Variants in RBMS3 observed in about 807,000 individuals in gnomAD.
RBMS3 encodes the protein RNA binding motif single stranded interacting protein 3, also known as RNA-binding motif, single-stranded-interacting protein 3.
A neutral mutation model predicts 66.8 loss-of-function variants in RBMS3; 27 were observed. The observed-to-expected ratio is 0.40, with a 90% CI of 0.30 to 0.56. RBMS3 has a LOEUF of 0.56. Among genes scored for constraint, RBMS3 ranks in the 20% least tolerant of loss-of-function variants. RBMS3 has a pLI of 0.40. For missense variants in RBMS3, 513 were observed against 549.5 expected (o/e 0.93, Z 0.66); for synonymous variants, 188 against 183.0 (o/e 1.03, Z -0.22).
At chr3:29,372,983 A>G (rs1445299324) in intron 1 of RBMS3, among the ~76,000 whole-genome samples, 1 of 152,134 alleles carries the variant, frequency 6.6e-6, no homozygotes, top group Non-Finnish European at 1.5e-5. Context: ...ATGCTTATAT[A>G]TTATTAAACC....
intron 4 of RBMS3, among the ~76,000 whole-genome samples, chr3:29,712,623 C>G (rs2053223762): frequency 6.6e-6 from 1 of 152,052 alleles, no homozygotes; most frequent in Non-Finnish European, 1.5e-5. Flanking sequence ...GAGATAACAT[C>G]TAAATCAGTA....
intron 2 of RBMS3, among the ~76,000 whole-genome samples, chr3:29,475,104 AAAGGTTTATT>A (rs1298245901): frequency 6.6e-6 from 1 of 152,192 alleles, no homozygotes; most frequent in Non-Finnish European, 1.5e-5. Context: ...TATGGTAATG[AAAGGTTTATT>A]AAGGTTTATT....
intron 2 of RBMS3, among the ~76,000 whole-genome samples, chr3:29,467,055 A>T (rs1389898910): frequency 2.6e-5 from 4 of 152,334 alleles, no homozygotes; most frequent in South Asian, 4.1e-4. Flanking sequence ...CCAAGTGAAA[A>T]TGTATAATTT....
At chr3:29,349,673 G>T (rs1017558823) in intron 1 of RBMS3, among the ~76,000 whole-genome samples, 3 of 152,132 alleles carry the variant, frequency 2.0e-5, no homozygotes, top group African/African-American at 7.2e-5. Flanking sequence ...ACCCTACTCT[G>T]ACATTTTGCA....
chr3:29,503,746 A>AT (rs2044067957), intron 3 of RBMS3, among the ~76,000 whole-genome samples: 1 of 152,072 alleles, frequency 6.6e-6, no homozygotes, highest in African/African-American at 2.4e-5. Flanking sequence ...CCACAGATGT[A>AT]TTTTTTCCTG....
intron 2 of RBMS3, among the ~76,000 whole-genome samples, chr3:29,488,021 A>T (rs925427260): frequency 1.3e-5 from 2 of 152,210 alleles, no homozygotes; most frequent in African/African-American, 2.4e-5. Flanking sequence ...ATTTTTGCAG[A>T]TGAAGAAACT....
intron 1 of RBMS3, among the ~76,000 whole-genome samples, chr3:29,408,472 G>C (rs1426899597): frequency 2.6e-5 from 4 of 151,532 alleles, no homozygotes; most frequent in Non-Finnish European, 4.4e-5. Context: ...GATGGTTTAG[G>C]AAAAAAAATC....
chr3:29,937,630 C>G (rs548649333), intron 11 of RBMS3, among the ~76,000 whole-genome samples: 1 of 152,030 alleles, frequency 6.6e-6, no homozygotes, highest in East Asian at 1.9e-4. Context: ...TCGATGGTAA[C>G]TTACCTGTCT....
At chr3:29,861,916 A>G (rs1467693029) in intron 6 of RBMS3, among the ~76,000 whole-genome samples, 1 of 152,210 alleles carries the variant, frequency 6.6e-6, no homozygotes, top group African/African-American at 2.4e-5. Flanking sequence ...GTCTTCTAGC[A>G]CATTAAAGTC....
Position 30,004,051 on chromosome 3 carries a change from T to C in RBMS3, c.*189T>C, listed in dbSNP as rs1381034030. 2.5e-6 allele frequency: 1 copy of C among 394,474 alleles called. No homozygotes were observed. Among genetic ancestry groups the C allele is most frequent in the African/African-American group, 2.1e-5 (1 of 48,002 alleles). The allele number at this position is 394,474 out of a possible 1,614,324, so 24.4% of individuals were successfully genotyped here. Reference sequence around the variant, plus strand: ...TTATGTGCTGTGCAAATGGTCTTCATGTGGTCTGACAATTTATTTTTGCCA... The same window carrying C: ...TTATGTGCTGTGCAAATGGTCTTCACGTGGTCTGACAATTTATTTTTGCCA... On this transcript the variant is annotated 3_prime_UTR_variant, in exon 15 of 15. Coordinates refer to ENST00000383767, the MANE Select transcript of RBMS3 (RefSeq NM_001003793.3).
Position 29,717,304 on chromosome 3 carries a change from ATGT to A in RBMS3, c.400-22409_400-22407del, listed in dbSNP as rs1365706005. Among the ~76,000 whole-genome samples, 5 of 151,908 alleles carry A rather than the reference ATGT, an allele frequency of 3.3e-5. No individual in the cohort carries two copies. The East Asian group carries it at 5.8e-4, about 18-fold the overall frequency. On this transcript the variant is annotated intron_variant, in intron 4 of 14. Transcript: ENST00000383767. ...TCTCATTATTCACACTGTTCTTTTG[ATGT>A]TGTTGTAGTTTTTGCTTTGCTTTGT... is the stretch of plus-strand genomic sequence containing the variant.
At chr3:29,819,428 C>A (rs987167830) in intron 6 of RBMS3, among the ~76,000 whole-genome samples, 3 of 152,112 alleles carry the variant, frequency 2.0e-5, no homozygotes, top group East Asian at 1.9e-4. Flanking sequence ...AGATTTGGAC[C>A]ACAAGCCATA....
chr3:29,490,890 A>G (rs572928168), intron 3 of RBMS3, among the ~76,000 whole-genome samples: 1 of 152,216 alleles, frequency 6.6e-6, no homozygotes, highest in African/African-American at 2.4e-5. Context: ...ACAGTTAATA[A>G]TATTAATCAA....
intron 4 of RBMS3, among the ~76,000 whole-genome samples, chr3:29,590,779 C>T (rs1355468004): frequency 1.3e-5 from 2 of 152,012 alleles, no homozygotes; most frequent in African/African-American, 4.8e-5. Context: ...ATTTATTTTA[C>T]TCAGTAGGAA....
chr3:29,510,783 G>T (rs1347465456), intron 3 of RBMS3, among the ~76,000 whole-genome samples: 1 of 152,094 alleles, frequency 6.6e-6, no homozygotes, highest in East Asian at 1.9e-4. Flanking sequence ...TTGCAGCATT[G>T]CTTTAGTTAT....
intron 10 of RBMS3, among the ~76,000 whole-genome samples, chr3:29,930,109 C>CTTTTCTTTTTTTTTTTT (rs1553702216): frequency 9.2e-5 from 4 of 43,556 alleles, no homozygotes; most frequent in Non-Finnish European, 2.1e-4. Flanking sequence ...TTCTTTCTTT[C>CTTTTCTTTTTTTTTTTT]TTTTTTTTTT....
At chr3:29,589,680 G>A (rs1401207424) in intron 4 of RBMS3, among the ~76,000 whole-genome samples, 1 of 151,938 alleles carries the variant, frequency 6.6e-6, no homozygotes, top group Non-Finnish European at 1.5e-5. Flanking sequence ...CTTTGTCCTG[G>A]TGATAACTAT....
intron 5 of RBMS3, among the ~76,000 whole-genome samples, chr3:29,741,565 T>C (rs777789533): frequency 2.0e-5 from 3 of 152,234 alleles, no homozygotes; most frequent in Non-Finnish European, 2.9e-5. Context: ...TCATTTGGAC[T>C]CTTGCTGGGA....
intron 4 of RBMS3, among the ~76,000 whole-genome samples, chr3:29,640,224 C>T (rs765974062): frequency 2.0e-5 from 3 of 151,236 alleles, no homozygotes; most frequent in Non-Finnish European, 4.4e-5. Context: ...TGGATAATCT[C>T]ATGCAGTAAA....
Sources: gnomAD v4.1 joint callset for allele counts (sites outside exome capture counted in the v4.1 genomes callset) on GRCh38, gnomAD v4.1.1 for gene constraint, MANE v1.5 for transcripts, NCBI Gene and HGNC (gene_info 2026-07-23, HGNC 2026-07-21) for gene names.